Variants in BRINP1 observed in about 807,000 individuals in gnomAD.
The protein encoded by BRINP1 is BMP/retinoic acid inducible neural specific 1.
BRINP1 carries 17 observed loss-of-function variants against 72.9 expected under a neutral mutation model. That is an observed-to-expected ratio of 0.23 (90% CI 0.16 to 0.35). The LOEUF (loss-of-function observed/expected upper bound fraction) is 0.35. Ranked by LOEUF, BRINP1 falls within the 10% of genes least tolerant of loss-of-function variation. The pLI is 1.00. For synonymous variants in BRINP1, 418 were observed against 378.5 expected, an observed-to-expected ratio of 1.10 and a Z score of -1.21; for missense variants, 850 against 1,001.6, an observed-to-expected ratio of 0.85 and a Z score of 2.04.
intron 4 of BRINP1, among the ~76,000 whole-genome samples, chr9:119,239,294 C>T (rs1051701685): frequency 2.0e-5 from 3 of 152,154 alleles, no homozygotes; most frequent in Non-Finnish European, 2.9e-5. Flanking sequence ...AGTACATATA[C>T]ACTATTATTA....
intron 2 of BRINP1, among the ~76,000 whole-genome samples, chr9:119,285,609 A>C (rs1292253900): frequency 6.6e-6 from 1 of 152,148 alleles, no homozygotes; most frequent in Non-Finnish European, 1.5e-5. Flanking sequence ...TAATTGTCAA[A>C]GTCTTGTACT....
chr9:119,215,605 C>T (rs535545572), intron 5 of BRINP1, among the ~76,000 whole-genome samples: 22 of 152,312 alleles, frequency 1.4e-4, no homozygotes, highest in African/African-American at 5.3e-4. Flanking sequence ...GCATTTCTTC[C>T]ATTTTCTATT....
intron 1 of BRINP1, among the ~76,000 whole-genome samples, chr9:119,356,109 T>C (rs1004575018): frequency 1.3e-5 from 2 of 152,152 alleles, no homozygotes; most frequent in Non-Finnish European, 2.9e-5. Context: ...GTTATTCCAC[T>C]TCAGTCACAC....
At chr9:119,228,891 T>C (rs752335082) in intron 5 of BRINP1, among the ~76,000 whole-genome samples, 5 of 152,132 alleles carry the variant, frequency 3.3e-5, no homozygotes, top group Admixed American at 6.6e-5. Flanking sequence ...TAATAGGCTA[T>C]GACTTGGGAA....
intron 1 of BRINP1, among the ~76,000 whole-genome samples, chr9:119,365,870 T>C (rs1245202889): frequency 6.6e-6 from 1 of 152,088 alleles, no homozygotes; most frequent in Non-Finnish European, 1.5e-5. Flanking sequence ...AAGTGCCATC[T>C]AGCCCCGGAA....
intron 2 of BRINP1, among the ~76,000 whole-genome samples, chr9:119,257,770 C>T (rs994216599): frequency 7.2e-5 from 11 of 152,116 alleles, no homozygotes; most frequent in African/African-American, 9.7e-5. Context: ...TGTTCCCACT[C>T]GCTCCCCACA....
chr9:119,258,756 T>C (rs529372025), intron 2 of BRINP1, among the ~76,000 whole-genome samples: 1 of 152,298 alleles, frequency 6.6e-6, no homozygotes, highest in African/African-American at 2.4e-5. Context: ...GTGGGGTCTG[T>C]CATGCACTTG....
chr9:119,323,428 C>T (rs1831209899), intron 1 of BRINP1, among the ~76,000 whole-genome samples: 2 of 152,222 alleles, frequency 1.3e-5, no homozygotes, highest in Admixed American at 1.3e-4. Context: ...CAAGGGAAAA[C>T]TGGGTGAGGT....
chr9:119,335,618 A>G (rs1407208170), intron 1 of BRINP1, among the ~76,000 whole-genome samples: 1 of 152,220 alleles, frequency 6.6e-6, no homozygotes, highest in Non-Finnish European at 1.5e-5. Flanking sequence ...GATTCATTCA[A>G]CAGGTACTTA....
At chr9:119,205,058 T>C (rs1365283203) in intron 7 of BRINP1, among the ~76,000 whole-genome samples, 1 of 152,212 alleles carries the variant, frequency 6.6e-6, no homozygotes, top group Non-Finnish European at 1.5e-5. Flanking sequence ...CTTGCTCAGC[T>C]AGAGGTGGCC....
At chr9:119,178,300 G>C (rs145255567) in intron 7 of BRINP1, among the ~76,000 whole-genome samples, 7 of 152,294 alleles carry the variant, frequency 4.6e-5, no homozygotes, top group Non-Finnish European at 8.8e-5. Flanking sequence ...CAACTGCAGA[G>C]ACAGTGGGGG....
chr9:119,293,287 C>CT (rs951473885), intron 2 of BRINP1, among the ~76,000 whole-genome samples: 48 of 147,630 alleles, frequency 3.3e-4, no homozygotes, highest in African/African-American at 4.5e-4. Flanking sequence ...TTTCTTTTTC[C>CT]TTTTTTTTTT....
chr9:119,209,110 G>A (rs1039685268), intron 6 of BRINP1, among the ~76,000 whole-genome samples, 169 bp from the exon 7 acceptor site: 2 of 152,092 alleles, frequency 1.3e-5, no homozygotes, highest in Admixed American at 1.3e-4. Context: ...TACTAGAAAG[G>A]GCAAAAGCTA....
intron 6 of BRINP1, among the ~76,000 whole-genome samples, chr9:119,209,343 C>T (rs972410144): frequency 4.6e-5 from 7 of 152,108 alleles, no homozygotes; most frequent in African/African-American, 1.4e-4. Flanking sequence ...GAGGCCAAGG[C>T]GGGTGGATAA....
rs1830696313 is a variant in BRINP1, at chr9:119,280,256, T to TG, written c.219-31107_219-31106insC. ...AAGTAGTTTTTTTTTCTTTTTTTTT[T>TG]AAGTTGGAGTCTCGCTCTATCGCCC... is the stretch of plus-strand genomic sequence containing the variant. On this transcript the variant is annotated intron_variant, in intron 2 of 7. Transcript: ENST00000265922. Among the ~76,000 whole-genome samples the TG allele has an allele frequency of 1.3e-5, 2 of 151,848 alleles. 1 individual carries two copies. Among genetic ancestry groups the TG allele is most frequent in the South Asian group, 4.2e-4 (2 of 4,788 alleles).
At chr9:119,255,687 C>G (rs531267537) in intron 2 of BRINP1, among the ~76,000 whole-genome samples, 1 of 152,214 alleles carries the variant, frequency 6.6e-6, no homozygotes, top group East Asian at 1.9e-4. Context: ...GGTGCAGTGG[C>G]TCACGCTTGT....
intron 7 of BRINP1, among the ~76,000 whole-genome samples, chr9:119,169,119 C>T (rs564301410): frequency 2.8e-4 from 43 of 152,238 alleles, no homozygotes; most frequent in Admixed American, 5.9e-4. Flanking sequence ...GAAAATGTGG[C>T]GGAGGAGCCA....
intron 7 of BRINP1, among the ~76,000 whole-genome samples, chr9:119,196,950 C>T (rs1173521456): frequency 6.6e-6 from 1 of 152,164 alleles, no homozygotes; most frequent in Non-Finnish European, 1.5e-5. Context: ...CCCTCAGCTC[C>T]CATGTGAAAT....
intron 7 of BRINP1, among the ~76,000 whole-genome samples, chr9:119,181,997 A>C (rs1174782644): frequency 1.3e-5 from 2 of 152,236 alleles, no homozygotes; most frequent in East Asian, 1.9e-4. Flanking sequence ...TCATGCAAAT[A>C]AACTGTGTTT....
Sources: gnomAD v4.1 joint callset for allele counts (sites outside exome capture counted in the v4.1 genomes callset) on GRCh38, gnomAD v4.1.1 for gene constraint, MANE v1.5 for transcripts, NCBI Gene and HGNC (gene_info 2026-07-23, HGNC 2026-07-21) for gene names.